Variants in DUOX2 observed in about 807,000 individuals in gnomAD.
The protein encoded by DUOX2 is NADH/NADPH thyroid oxidase p138-tox.
In DUOX2, 185 loss-of-function variants were observed where a neutral mutation model predicts 183.3. The observed-to-expected ratio is 1.01, with a 90% CI of 0.90 to 1.14. DUOX2 has a LOEUF of 1.14. Among genes scored for constraint, DUOX2 ranks in the 50% most tolerant of loss-of-function variants. DUOX2 has a pLI of 0.00. For synonymous variants in DUOX2, 788 were observed against 812.4 expected, an observed-to-expected ratio of 0.97 and a Z score of 0.51; for missense variants, 1,999 against 2,022.9, an observed-to-expected ratio of 0.99 and a Z score of 0.23.
rs560647179 is a variant in DUOX2, at chr15:45,105,598, A to G, written c.2334+45T>C. On this transcript the variant is annotated intron_variant, in intron 18 of 33. Transcript: ENST00000389039. ...GTTCTATGCAGCCCAGGTTTCCTCC[A>G]TTTCTGGGGCTGGACCCATCTCCAA... 10 of 1,613,106 alleles carry G rather than the reference A, an allele frequency of 6.2e-6. No individual in the cohort carries two copies. In the South Asian group the frequency reaches 6.6e-5, roughly 11 times the overall value.
chr15:45,112,506 TG>T (rs1027264231), intron 4 of DUOX2, 47 bp downstream of exon 4: 2 of 1,602,448 alleles, frequency 1.2e-6, no homozygotes, highest in Non-Finnish European at 1.7e-6. Context: ...TCCCCCAGGC[TG>T]AGCAGAGCGC....
chr15:45,107,197 T>A (rs1423725178), intron 14 of DUOX2, 148 bp downstream of exon 14: 15 of 1,231,456 alleles, frequency 1.2e-5, no homozygotes, highest in Admixed American at 6.7e-5. Flanking sequence ...TTGAGGTCCC[T>A]GCTGTGGGAG....
At chr15:45,096,284 T>C (rs1421488374) in intron 29 of DUOX2, among the ~76,000 whole-genome samples, 2 of 152,014 alleles carry the variant, frequency 1.3e-5, no homozygotes, top group African/African-American at 2.4e-5. Flanking sequence ...CCTCTCCTCC[T>C]CTCTACTCCC....
At position 45,100,096 on chromosome 15, in the gene DUOX2, T is replaced by G; in HGVS notation, c.3138A>C (p.Ala1046=). The G allele has an allele frequency of 1.2e-6, 2 of 1,614,216 alleles. No homozygotes were observed. The highest frequency in any genetic ancestry group is 1.3e-5 in the African/African-American group (1 of 75,066). ...ENYRRHIVCV[A]IFSAICVGVF... is the part of the protein sequence containing the mutation. ...CGCCAACACAGATGGCCGAGAAGAT[T>G]GCCACACACACGATGTGCCTCCGGT... is the stretch of plus-strand genomic sequence containing the variant. Residue 1046 remains alanine, a synonymous_variant, in exon 24 of 34, where the codon GCA becomes GCC. Coordinates refer to ENST00000389039, the MANE Select transcript of DUOX2 (RefSeq NM_001363711.2).
At chr15:45,112,878 C>A (rs1336556184) in intron 3 of DUOX2, 109 bp downstream of exon 3, 3 of 1,543,036 alleles carry the variant, frequency 1.9e-6, no homozygotes, top group African/African-American at 2.7e-5. Context: ...GCTGTGTAGG[C>A]AGCGGAGCTG....
At chr15:45,102,575 C>T (rs1050400024) in intron 20 of DUOX2, among the ~76,000 whole-genome samples, 2 of 149,258 alleles carry the variant, frequency 1.3e-5, no homozygotes, top group African/African-American at 5.0e-5. Context: ...TGTGTAGGTC[C>T]GGCAGCAATG....
chr15:45,106,152 C>CAGCAGGGT lies in DUOX2; in HGVS notation c.2113_2120dup (p.Leu708ProfsTer45). ...GGTCATACTCCTTAGGGATCTTGAGCAGCAGGGTGCGGCATCCTCGGTTGT... is the reference window on the plus strand; with the variant it reads ...GGTCATACTCCTTAGGGATCTTGAGCAGCAGGGTAGCAGGGTGCGGCATCCTCGGTTGT... On this transcript the variant is annotated frameshift_variant, in exon 17 of 34. Transcript: ENST00000389039. LOFTEE classifies it high-confidence loss of function. 6.2e-7 allele frequency: 1 copy of CAGCAGGGT among 1,614,192 alleles called. No individual in the cohort carries two copies.
In DUOX2 at chr15:45,093,512, C is replaced by G. The variant is rs1893813010; in HGVS notation, c.*638G>C. Reference sequence around the variant, plus strand: ...GGAAGGGGTAGAAGTAGGGCTGCTCCTTTTGGAGCTGGAGGGAATAGACCT... The same window carrying G: ...GGAAGGGGTAGAAGTAGGGCTGCTCGTTTTGGAGCTGGAGGGAATAGACCT... On this transcript the variant is annotated 3_prime_UTR_variant, in exon 34 of 34. Coordinates refer to ENST00000389039, the MANE Select transcript of DUOX2 (RefSeq NM_001363711.2). 1 of 153,096 alleles carries G rather than the reference C, an allele frequency of 6.5e-6. No homozygotes were observed. Among genetic ancestry groups the G allele is most frequent in the African/African-American group, 2.4e-5 (1 of 41,416 alleles). 9.5% of individuals were successfully genotyped at this position (153,096 alleles called of 1,614,324 possible).
chr15:45,100,887 G>A (rs1413945974), intron 22 of DUOX2, 49 bp from the exon 23 acceptor site: 6 of 1,364,806 alleles, frequency 4.4e-6, no homozygotes, highest in Non-Finnish European at 6.3e-6. Flanking sequence ...GCAGCCAGGA[G>A]AACAACTCCC....
Position 45,099,887 on chromosome 15 carries a change from C to A in DUOX2, c.3190G>T (p.Gly1064Cys). The A allele has an allele frequency of 6.2e-7, 1 of 1,614,170 alleles. No homozygotes were observed. The highest frequency in any genetic ancestry group is 2.2e-5 in the East Asian group (1 of 44,864). The change falls in exon 25 of 34, where the codon GGC becomes TGC. Residue 1064 changes from glycine (G) to cysteine (C), a missense_variant. By Grantham distance (159) the Gly-to-Cys change is radical (BLOSUM62 -3). Around this residue, in one of 3 missense-constraint regions of DUOX2, gnomAD observed 1,628 missense variants for 1,608.6 expected, o/e 1.01. Coordinates refer to ENST00000389039, the MANE Select transcript of DUOX2 (RefSeq NM_001363711.2). ...GVFADRAYYY[G>C]FASPPSDIAQ... is the part of the protein sequence containing the mutation. ...ATGTCCGAGGGTGGCGAGGCAAAGC[C>A]ATAGTCTGGGGCCGGAGTGAGGTTA...
At chr15:45,106,005 C>T (rs1894202852) in intron 17 of DUOX2, 120 bp downstream of exon 17, 2 of 1,397,874 alleles carry the variant, frequency 1.4e-6, no homozygotes, top group Non-Finnish European at 2.0e-6. Context: ...CTGAAAGGAG[C>T]CCCTCTCCCC....
rs11070441 is a variant in DUOX2 at position 45,093,559 on chromosome 15, G to A, written c.*591C>T. 3,321 of 155,266 alleles carry A rather than the reference G, an allele frequency of 0.021. 122 individuals are homozygous for A. The highest frequency in any genetic ancestry group is 0.074 in the African/African-American group (3,087 of 41,576). 9.6% of individuals were successfully genotyped at this position (155,266 alleles called of 1,614,324 possible). On this transcript the variant is annotated 3_prime_UTR_variant, in exon 34 of 34. Coordinates refer to ENST00000389039, the MANE Select transcript of DUOX2 (RefSeq NM_001363711.2). The stretch of plus-strand genomic sequence containing the variant: ...ACCTGGAGACAGAGTTGAGGCAGTC[G>A]GGCTGTCCAGGTTCTAAGCATCACA...
chr15:45,101,056 G>T, intron 22 of DUOX2, 149 bp downstream of exon 22: 2 of 769,018 alleles, frequency 2.6e-6, no homozygotes. Context: ...TAGGGTGAGA[G>T]AGGCAGCTGG....
In DUOX2 at chr15:45,098,076, C is replaced by T. The variant is rs536459950; in HGVS notation, c.3516-18G>A. 1.9e-6 allele frequency: 3 copies of T among 1,613,732 alleles called. No individual in the cohort carries two copies. In the East Asian group the frequency reaches 6.7e-5, roughly 36 times the overall value. ...GCTTGGACCTGGGGGGCAAAGGCAC[C>T]TTGAGCCTCTGACTGGGGCAGGAGG... is the stretch of plus-strand genomic sequence containing the variant. On this transcript the variant is annotated intron_variant, in intron 26 of 33. Coordinates refer to ENST00000389039, the MANE Select transcript of DUOX2 (RefSeq NM_001363711.2).
Position 45,101,287 on chromosome 15 carries a change from A to G in DUOX2, c.2852-13T>C, listed in dbSNP as rs757674714. The G allele has an allele frequency of 3.1e-6, 5 of 1,610,706 alleles. No homozygotes were observed. The highest frequency in any genetic ancestry group is 4.2e-6 in the Non-Finnish European group (5 of 1,178,006). ...ATATCTCTAATACCTAGAGAAAAGA[A>G]CAAGAGGCAGGACTGGCTTCCCCAC... On this transcript the variant is annotated splice_polypyrimidine_tract_variant and intron_variant, in intron 21 of 33. Transcript: ENST00000389039.
intron 29 of DUOX2, among the ~76,000 whole-genome samples, chr15:45,096,978 C>A (rs1243599368): frequency 6.6e-6 from 1 of 152,192 alleles, no homozygotes; most frequent in Non-Finnish European, 1.5e-5. Context: ...TCCTCAAACC[C>A]CTCTGTATGC....
chr15:45,095,398 A>G (rs759554176), intron 31 of DUOX2, 39 bp downstream of exon 31: 1 of 1,613,840 alleles, frequency 6.2e-7, no homozygotes, highest in African/African-American at 1.3e-5. Flanking sequence ...CAATTCGGCC[A>G]CCTATGCCCC....
intron 15 of DUOX2, 78 bp from the exon 16 acceptor site, chr15:45,106,719 C>A: frequency 6.2e-7 from 1 of 1,610,804 alleles, no homozygotes; most frequent in Non-Finnish European, 8.5e-7. Flanking sequence ...ATGGCCCCTC[C>A]CTTCCAGAGG....
Position 45,105,647 on chromosome 15 carries a change from G to C in DUOX2, c.2330C>G (p.Ala777Gly). The C allele has an allele frequency of 6.2e-7, 1 of 1,614,182 alleles. No individual in the cohort carries two copies. The highest frequency in any genetic ancestry group is 8.5e-7 in the Non-Finnish European group (1 of 1,180,028). Residue 777 changes from alanine to glycine, a missense_variant, in exon 18 of 34, where the codon GCT (alanine) becomes GGT (glycine). Coordinates refer to ENST00000389039, the MANE Select transcript of DUOX2 (RefSeq NM_001363711.2). ...AAAAGGCACAGGTCATGGCACCTGA[G>C]CAAAAAGGTGTCTGAAGAAGATCTC... ...ILEIFFRHLF[A>G]QVLDINQADA...
Sources: gnomAD v4.1 joint callset for allele counts (sites outside exome capture counted in the v4.1 genomes callset) on GRCh38, gnomAD v4.1.1 for gene constraint, gnomAD v4.1.1 regional missense constraint, MANE v1.5 for transcripts, NCBI Gene and HGNC (gene_info 2026-07-23, HGNC 2026-07-21) for gene names.